The following MLIP variants were observed in gnomAD, a reference collection of about 807,000 sequenced individuals.
MLIP encodes muscular LMNA interacting protein.
In MLIP, 79 loss-of-function variants were observed where a neutral mutation model predicts 84.8. The ratio of observed to expected loss-of-function variants is 0.93; its 90% CI spans 0.78 to 1.12. MLIP has a LOEUF of 1.12. MLIP is among the 50% of genes most tolerant of loss of function. MLIP has a pLI of 0.00. For synonymous variants in MLIP, 504 were observed against 463.0 expected (o/e 1.09, Z -1.14); for missense variants, 1,257 against 1,160.6 (o/e 1.08, Z -1.21).
chr6:54,026,288 A>C (rs146156662), intron 1 of MLIP, among the ~76,000 whole-genome samples: 1 of 152,242 alleles, frequency 6.6e-6, no homozygotes, highest in African/African-American at 2.4e-5. Context: ...ACCCTTAAGC[A>C]TTATGAGTAA....
intron 1 of MLIP, among the ~76,000 whole-genome samples, chr6:54,028,047 G>A (rs1763920315): frequency 6.6e-6 from 1 of 152,140 alleles, no homozygotes; most frequent in African/African-American, 2.4e-5. Context: ...CAAATAGACT[G>A]TGGTATTAGT....
At chr6:54,257,452 T>A (rs1192816581) in intron 13 of MLIP, 91 bp downstream of exon 13, 12 of 978,724 alleles carry the variant, frequency 1.2e-5, no homozygotes, top group Non-Finnish European at 1.9e-5. Flanking sequence ...TTAACAAAAT[T>A]GTGCTTTTAT....
chr6:54,112,592 A>G (rs1311670001), intron 1 of MLIP, among the ~76,000 whole-genome samples: 2 of 152,184 alleles, frequency 1.3e-5, no homozygotes, highest in Non-Finnish European at 2.9e-5. Context: ...AGGAAGATGA[A>G]TAAGTCTTTA....
intron 3 of MLIP, among the ~76,000 whole-genome samples, chr6:54,127,934 G>A (rs1240060642): frequency 1.3e-5 from 2 of 152,156 alleles, no homozygotes; most frequent in African/African-American, 4.8e-5. Context: ...TAGTATTAGA[G>A]TTACGGGAGA....
chr6:54,230,004 C>T (rs1043063350), intron 11 of MLIP, among the ~76,000 whole-genome samples: 6 of 152,116 alleles, frequency 3.9e-5, no homozygotes, highest in African/African-American at 1.4e-4. Flanking sequence ...GTAGTAGTTC[C>T]TACTTCCTCA....
intron 1 of MLIP, among the ~76,000 whole-genome samples, chr6:54,096,074 G>A (rs574635900): frequency 6.6e-6 from 1 of 152,216 alleles, no homozygotes; most frequent in Admixed American, 6.5e-5. Flanking sequence ...ACCAATTCCA[G>A]GAAGCAGAAG....
intron 13 of MLIP, among the ~76,000 whole-genome samples, chr6:54,259,738 G>A (rs1305959457): frequency 6.6e-6 from 1 of 151,824 alleles, no homozygotes; most frequent in Admixed American, 6.6e-5. Flanking sequence ...AGTAAAAAAT[G>A]TAAATAATTA....
At chr6:54,106,023 T>C (rs1768984271) in intron 1 of MLIP, among the ~76,000 whole-genome samples, 3 of 152,184 alleles carry the variant, frequency 2.0e-5, no homozygotes, top group Non-Finnish European at 4.4e-5. Context: ...GATATGCAGA[T>C]TGGGTTCCCA....
rs1253295321 is a variant in MLIP at position 54,169,525 on chromosome 6, C to T, written c.2500-3C>T. 14 of 1,575,148 alleles carry T rather than the reference C, an allele frequency of 8.9e-6. No homozygotes were observed. The highest frequency in any genetic ancestry group is 1.2e-5 in the Non-Finnish European group (14 of 1,162,086). On this transcript the variant is annotated splice_region_variant and splice_polypyrimidine_tract_variant and intron_variant, in intron 8 of 13. Coordinates refer to ENST00000502396, the MANE Select transcript of MLIP (RefSeq NM_001281747.2). ...ATGTATAATTGTTTTTATTTTCATACAGACTCCTACAACTCTTCCAAGAGC... is the reference window on the plus strand; with the variant it reads ...ATGTATAATTGTTTTTATTTTCATATAGACTCCTACAACTCTTCCAAGAGC...
At position 54,146,934 on chromosome 6, in the gene MLIP, C is replaced by T. The variant is rs183162596; in HGVS notation, c.2218-2122C>T. Among the ~76,000 whole-genome samples the T allele has an allele frequency of 9.3e-4, 142 of 152,146 alleles. 1 individual carries two copies. Among genetic ancestry groups the T allele is most frequent in the Non-Finnish European group, 1.2e-3 (84 of 68,004 alleles). On this transcript the variant is annotated intron_variant, in intron 4 of 13. Transcript: ENST00000502396. ...CTGACATGCACTATCTGGTGACCTT[C>T]GATTAGTTATTTAACATTTCTGTAC...
At position 54,160,569 on chromosome 6, in the gene MLIP, T is replaced by A; in HGVS notation, c.2409T>A (p.Ile803=). ...RQQTEELCAT[I]DKVLQDSLSM... Reference sequence around the variant, plus strand: ...AAACTGAAGAGCTCTGTGCTACCATTGATAAGGTCTTACAGGATTCCTTGT... The same window carrying A: ...AAACTGAAGAGCTCTGTGCTACCATAGATAAGGTCTTACAGGATTCCTTGT... Residue 803 remains isoleucine (I), a synonymous_variant, in exon 7 of 14, where the codon ATT becomes ATA. Coordinates refer to ENST00000502396, the MANE Select transcript of MLIP (RefSeq NM_001281747.2). 2.5e-6 allele frequency: 4 copies of A among 1,612,238 alleles called. No homozygotes were observed. The highest frequency in any genetic ancestry group is 3.4e-6 in the Non-Finnish European group (4 of 1,178,862).
At chr6:54,107,301 T>C (rs927420611), upstream of MLIP, among the ~76,000 whole-genome samples, 1 of 152,212 alleles carries the variant, frequency 6.6e-6, no homozygotes, top group African/African-American at 2.4e-5. Context: ...GTTATAGCGG[T>C]ATACTACTAT....
chr6:54,252,395 A>G (rs1432280784), intron 12 of MLIP, among the ~76,000 whole-genome samples: 1 of 96,540 alleles, frequency 1.0e-5, no homozygotes, highest in Non-Finnish European at 1.9e-5. Context: ...TATAACATAT[A>G]ATATATAATA....
intron 1 of MLIP, among the ~76,000 whole-genome samples, chr6:54,062,605 T>A (rs1582058551): frequency 1.3e-5 from 2 of 152,182 alleles, no homozygotes; most frequent in East Asian, 3.9e-4. Flanking sequence ...TGTGGGAGAA[T>A]GAAAGGGAAA....
intron 11 of MLIP, among the ~76,000 whole-genome samples, chr6:54,222,768 A>G (rs541830327): frequency 2.0e-5 from 3 of 152,140 alleles, no homozygotes; most frequent in African/African-American, 7.2e-5. Context: ...TATGGTAGCC[A>G]TATTTTAAAT....
chr6:54,149,249 A>T, intron 5 of MLIP, 122 bp downstream of exon 5: 1 of 857,556 alleles, frequency 1.2e-6, no homozygotes. Context: ...ATAACATTCC[A>T]TTCTTAGTTT....
chr6:54,119,084 C>T (rs1399983528), intron 1 of MLIP, among the ~76,000 whole-genome samples: 1 of 5,002 alleles, frequency 2.0e-4, no homozygotes, highest in Non-Finnish European at 7.9e-3. Flanking sequence ...CACTTACACA[C>T]ATTGGTGAGA....
In MLIP at chr6:54,136,798, A is replaced by G. The variant is rs975533332; in HGVS notation, c.729A>G (p.Thr243=). The change falls in exon 4 of 14, where the codon ACA becomes ACG. Residue 243 remains threonine (T), a synonymous_variant. Transcript: ENST00000502396. ...FSFVSPTNPN[T]PPDPVNLEGA... is the part of the protein sequence containing the mutation. Reference sequence around the variant, plus strand: ...TTGTTTCTCCAACTAATCCGAACACACCACCCGACCCAGTTAACCTCGAGG... The same window carrying G: ...TTGTTTCTCCAACTAATCCGAACACGCCACCCGACCCAGTTAACCTCGAGG... 1.3e-6 allele frequency: 2 copies of G among 1,527,966 alleles called. No individual in the cohort carries two copies. Among genetic ancestry groups the G allele is most frequent in the Non-Finnish European group, 1.8e-6 (2 of 1,140,318 alleles). The allele number at this position is 1,527,966 out of a possible 1,614,324, so 94.7% of individuals were successfully genotyped here.
exon 1 of MLIP, chr6:54,019,026 A>G (rs527288812): frequency 6.2e-7 from 1 of 1,608,064 alleles, no homozygotes; most frequent in Admixed American, 1.7e-5. Flanking sequence ...ATTCTCTTTC[A>G]ATATGGAACT....
Sources: allele counts gnomAD v4.1 joint callset (sites outside exome capture counted in the v4.1 genomes callset), GRCh38; gene constraint gnomAD v4.1.1; transcripts MANE v1.5; gene names NCBI Gene and HGNC (gene_info 2026-07-23, HGNC 2026-07-21).